Variants in GDAP2 observed in about 807,000 individuals in gnomAD.
GDAP2 encodes the protein ganglioside induced differentiation associated protein 2, also known as ganglioside-induced differentiation-associated protein 2.
GDAP2 carries 51 observed loss-of-function variants against 67.0 expected under a neutral mutation model. The ratio of observed to expected loss-of-function variants is 0.76; its 90% confidence interval spans 0.61 to 0.96. The LOEUF (loss-of-function observed/expected upper bound fraction) is 0.96. Among genes scored for constraint, GDAP2 ranks in the 40% least tolerant of loss-of-function variants. GDAP2 has a pLI of 0.00. For missense variants in GDAP2, 547 were observed against 588.3 expected, an observed-to-expected ratio of 0.93 and a Z score of 0.73; for synonymous variants, 203 against 207.3, an observed-to-expected ratio of 0.98 and a Z score of 0.18.
chr1:117,921,336 A>G (rs566818896), intron 1 of GDAP2, among the ~76,000 whole-genome samples: 2 of 152,222 alleles, frequency 1.3e-5, no homozygotes, highest in Non-Finnish European at 2.9e-5. Context: ...GCCCTTCAGG[A>G]GCATATGTTT....
intron 8 of GDAP2, among the ~76,000 whole-genome samples, chr1:117,888,360 T>G (rs969385385): frequency 6.6e-6 from 1 of 152,174 alleles, no homozygotes; most frequent in Non-Finnish European, 1.5e-5. Context: ...TCAAACTAGT[T>G]GTAGTGATAT....
rs144395427 is a variant in GDAP2 at position 117,915,250 on chromosome 1, C to G, written c.317-2567G>C. On this transcript the variant is annotated intron_variant, in intron 3 of 13. Coordinates refer to ENST00000369443, the MANE Select transcript of GDAP2 (RefSeq NM_017686.4). The stretch of plus-strand genomic sequence containing the variant: ...CATAATGTCAAGTTTATAGGAAATA[C>G]AAACTAAATGGCACCTCAAGTAAAT... 2.4e-4 allele frequency among the ~76,000 whole-genome samples: 36 copies of G among 152,240 alleles called. No homozygotes were observed. In the East Asian group the frequency reaches 6.2e-3, roughly 26 times the overall value.
chr1:117,890,235 G>A (rs529232539), intron 8 of GDAP2, among the ~76,000 whole-genome samples: 8 of 152,122 alleles, frequency 5.3e-5, no homozygotes, highest in East Asian at 1.9e-4. Context: ...TAGACATGTC[G>A]TAGAAACAAA....
chr1:117,925,036 C>G (rs1650395519), intron 1 of GDAP2, among the ~76,000 whole-genome samples: 2 of 152,140 alleles, frequency 1.3e-5, no homozygotes, highest in African/African-American at 4.8e-5. Context: ...AAAAACAAAT[C>G]CATTAAACAC....
Position 117,883,631 on chromosome 1 carries a change from A to C in GDAP2, c.1108-4T>G. Reference sequence around the variant, plus strand: ...CATGAATGAAATATAAGAGAGCCTAAAAGATAAAAGGGGAATAAAGGTGAA... The same window carrying C: ...CATGAATGAAATATAAGAGAGCCTACAAGATAAAAGGGGAATAAAGGTGAA... On this transcript the variant is annotated splice_polypyrimidine_tract_variant and splice_region_variant and intron_variant, in intron 10 of 13. Coordinates refer to ENST00000369443, the MANE Select transcript of GDAP2 (RefSeq NM_017686.4). 1 of 1,595,174 alleles carries C rather than the reference A, an allele frequency of 6.3e-7. No homozygotes were observed. Among genetic ancestry groups the C allele is most frequent in the South Asian group, 1.1e-5 (1 of 89,638 alleles).
intron 3 of GDAP2, among the ~76,000 whole-genome samples, chr1:117,915,229 A>G (rs1293149863): frequency 6.6e-6 from 1 of 152,236 alleles, no homozygotes; most frequent in Non-Finnish European, 1.5e-5. Context: ...ATTAGACATA[A>G]TGTCAAGTTT....
intron 8 of GDAP2, among the ~76,000 whole-genome samples, chr1:117,895,760 G>A (rs1442564592): frequency 6.6e-6 from 1 of 152,178 alleles, no homozygotes. Flanking sequence ...AATAAAGGAA[G>A]ACCTGGGATT....
chr1:117,922,036 A>T (rs1299963892), intron 1 of GDAP2, among the ~76,000 whole-genome samples: 2 of 151,848 alleles, frequency 1.3e-5, no homozygotes, highest in Non-Finnish European at 1.5e-5. Flanking sequence ...TAGAGTGATA[A>T]CCAATGGTTT....
chr1:117,906,743 T>A (rs962352803), intron 5 of GDAP2, among the ~76,000 whole-genome samples, 161 bp from the exon 6 acceptor site: 1 of 152,212 alleles, frequency 6.6e-6, no homozygotes, highest in Non-Finnish European at 1.5e-5. Context: ...CCATACTACT[T>A]GTATAAAAAT....
intron 4 of GDAP2, 36 bp downstream of exon 4, chr1:117,912,494 A>C: frequency 1.3e-6 from 2 of 1,576,212 alleles, no homozygotes; most frequent in Non-Finnish European, 8.7e-7. Flanking sequence ...TTAACAATGT[A>C]TGATATGCTA....
In GDAP2 at chr1:117,865,082, A is replaced by G. The variant is rs1055264028; in HGVS notation, c.*5487T>C. 4.6e-5 allele frequency: 7 copies of G among 152,186 alleles called. No individual in the cohort carries two copies. The highest frequency in any genetic ancestry group is 9.7e-5 in the African/African-American group (4 of 41,444). 9.4% of individuals were successfully genotyped at this position (152,186 alleles called of 1,614,324 possible). A position where few individuals can be genotyped will look rare whatever the true frequency, so the allele number is the denominator to read the frequency against. ...GCCACCCCAGAACTATTGAATCTGA[A>G]TCTCCATTTAATAATATCCTCAGCT... On this transcript the variant is annotated 3_prime_UTR_variant, in exon 14 of 14. Transcript: ENST00000369443.
In GDAP2 at chr1:117,908,661, A is replaced by AT. The variant is rs747969256; in HGVS notation, c.560-2080dup. The stretch of plus-strand genomic sequence containing the variant: ...CATAGCGAGACCCTGTGTTTACCAA[A>AT]TTTTTTTTAAAAAATTAGCTAGGTA... On this transcript the variant is annotated intron_variant, in intron 5 of 13. Transcript: ENST00000369443. Among the ~76,000 whole-genome samples the AT allele has an allele frequency of 2.7e-4, 41 of 151,840 alleles. No homozygotes were observed. In the East Asian group the frequency reaches 3.5e-3, roughly 13 times the overall value.
chr1:117,896,807 C>G lies in GDAP2; in HGVS notation c.953+26G>C, dbSNP rs1490082911. 3 of 1,562,600 alleles carry G rather than the reference C, an allele frequency of 1.9e-6. No homozygotes were observed. The African/African-American group carries it at 4.1e-5, about 21-fold the overall frequency. On this transcript the variant is annotated intron_variant, in intron 8 of 13. Transcript: ENST00000369443. The stretch of plus-strand genomic sequence containing the variant: ...TCTTGCTTCTGATGTCCTTATGTAT[C>G]TAACAGTCCTGAAGGGTTGTCTTAC...
intron 1 of GDAP2, among the ~76,000 whole-genome samples, chr1:117,929,038 C>G (rs544379514): frequency 6.6e-6 from 1 of 152,236 alleles, no homozygotes; most frequent in African/African-American, 2.4e-5. Flanking sequence ...CCATCCTGGG[C>G]TCAGCGTCTA....
At chr1:117,898,271 C>G (rs1189346439) in intron 7 of GDAP2, among the ~76,000 whole-genome samples, 1 of 152,134 alleles carries the variant, frequency 6.6e-6, no homozygotes, top group Non-Finnish European at 1.5e-5. Context: ...GGAGGCTCAC[C>G]CAAAGTGCAT....
rs956900281 is a variant in GDAP2 at position 117,888,763 on chromosome 1, C to T, written c.954-989G>A. Among the ~76,000 whole-genome samples the T allele has an allele frequency of 2.0e-5, 3 of 152,114 alleles. No individual in the cohort carries two copies. The South Asian group carries it at 6.2e-4, about 32-fold the overall frequency. On this transcript the variant is annotated intron_variant, in intron 8 of 13. Coordinates refer to ENST00000369443, the MANE Select transcript of GDAP2 (RefSeq NM_017686.4). ...GGAGATTTGGCTTCTAATCCTACTG[C>T]TTTCGGTGCAAACTTACTAAAGTCA...
chr1:117,867,015 T>C lies in GDAP2; in HGVS notation c.*3554A>G, dbSNP rs903351752. The stretch of plus-strand genomic sequence containing the variant: ...ACTCTCCTCTATATAGTACTTCAAA[T>C]TCTAATCATTTCTGTGCATATATTA... On this transcript the variant is annotated 3_prime_UTR_variant, in exon 14 of 14. Transcript: ENST00000369443. The C allele has an allele frequency of 6.6e-6, 1 of 152,170 alleles. No homozygotes were observed. The highest frequency in any genetic ancestry group is 2.4e-5 in the African/African-American group (1 of 41,442). 9.4% of individuals were successfully genotyped at this position (152,170 alleles called of 1,614,324 possible).
intron 3 of GDAP2, among the ~76,000 whole-genome samples, chr1:117,915,372 A>G (rs958213012): frequency 7.2e-5 from 11 of 152,236 alleles, no homozygotes; most frequent in Non-Finnish European, 1.3e-4. Context: ...GGATTACAAA[A>G]TACCACACAC....
chr1:117,925,316 G>A (rs1037999369), intron 1 of GDAP2, among the ~76,000 whole-genome samples: 1 of 151,982 alleles, frequency 6.6e-6, no homozygotes, highest in African/African-American at 2.4e-5. Flanking sequence ...AGCCAGGTGT[G>A]GTGGCATGCA....
Sources: allele counts gnomAD v4.1 joint callset (sites outside exome capture counted in the v4.1 genomes callset), GRCh38; gene constraint gnomAD v4.1.1; transcripts MANE v1.5; gene names NCBI Gene and HGNC (gene_info 2026-07-23, HGNC 2026-07-21).